Variants in ENTREP2 observed in about 807,000 individuals in gnomAD.
ENTREP2 encodes the protein protein ENTREP2.
chr15:29,451,460 ACAGAGAG>A, the ENTREP2 span, among the ~76,000 whole-genome samples: 1 of 152,182 alleles, frequency 6.6e-6, no homozygotes, highest in South Asian at 2.1e-4. Context: ...GACCACTGTC[ACAGAGAG>A]CTCATGTCGG....
the ENTREP2 span, among the ~76,000 whole-genome samples, chr15:29,605,702 G>T: frequency 1.1e-5 from 1 of 89,508 alleles, no homozygotes; most frequent in Non-Finnish European, 2.4e-5. Flanking sequence ...TGGGCATGAT[G>T]GGGGGGTGCC....
At chr15:29,292,955 A>G in the ENTREP2 span, among the ~76,000 whole-genome samples, 4 of 152,226 alleles carry the variant, frequency 2.6e-5, no homozygotes, top group African/African-American at 9.6e-5. Context: ...GCTTCTCAAT[A>G]CTGCTTAGTA....
the ENTREP2 span, among the ~76,000 whole-genome samples, chr15:29,502,934 T>A: frequency 1.3e-5 from 2 of 150,214 alleles, no homozygotes; most frequent in Non-Finnish European, 3.0e-5. Flanking sequence ...ATGGCTAGAA[T>A]AAAGGGGGAA....
At chr15:29,157,019 C>A in the ENTREP2 span, among the ~76,000 whole-genome samples, 1 of 152,088 alleles carries the variant, frequency 6.6e-6, no homozygotes, top group Non-Finnish European at 1.5e-5. Flanking sequence ...ATCGGTTGAA[C>A]CTGGGAGGTG....
chr15:29,227,321 G>T, the ENTREP2 span, among the ~76,000 whole-genome samples: 4 of 152,242 alleles, frequency 2.6e-5, no homozygotes, highest in Admixed American at 2.0e-4. Context: ...AAACAAAGGT[G>T]ATCGGGTCCC....
chr15:29,304,623 C>T, the ENTREP2 span, among the ~76,000 whole-genome samples: 1 of 152,194 alleles, frequency 6.6e-6, no homozygotes, highest in African/African-American at 2.4e-5. Flanking sequence ...AAAATTAAGC[C>T]AGGCAATGAC....
the ENTREP2 span, among the ~76,000 whole-genome samples, chr15:29,129,703 A>G: frequency 0.014 from 2,094 of 152,176 alleles, 58 homozygotes; most frequent in African/African-American, 0.048. Context: ...GCCTCAGAAT[A>G]AGGGGAAGGC....
chr15:29,538,047 A>C, the ENTREP2 span, among the ~76,000 whole-genome samples: 1 of 152,192 alleles, frequency 6.6e-6, no homozygotes, highest in Non-Finnish European at 1.5e-5. Flanking sequence ...TCCTGGATTT[A>C]ACAATACGTT....
chr15:29,279,761 G>C, the ENTREP2 span, among the ~76,000 whole-genome samples: 1 of 152,144 alleles, frequency 6.6e-6, no homozygotes, highest in South Asian at 2.1e-4. Context: ...TAAGTGGGAT[G>C]CTAGTTAATA....
the ENTREP2 span, chr15:29,268,887 T>C: frequency 2.5e-6 from 4 of 1,614,202 alleles, no homozygotes; most frequent in African/African-American, 1.3e-5. Context: ...CCTTGGGGTC[T>C]TGATTATGGA....
At chr15:29,123,596 G>T in the ENTREP2 span, 1 of 1,551,568 alleles carries the variant, frequency 6.4e-7, no homozygotes, top group Non-Finnish European at 8.7e-7. Flanking sequence ...CAGGTATCTG[G>T]GTCCCCCGCT....
the ENTREP2 span, among the ~76,000 whole-genome samples, chr15:29,221,788 TG>T: frequency 6.6e-6 from 1 of 152,128 alleles, no homozygotes; most frequent in South Asian, 2.1e-4. Flanking sequence ...AGAATCGTGC[TG>T]GGTAACAGGA....
the ENTREP2 span, among the ~76,000 whole-genome samples, chr15:29,347,366 C>G: frequency 6.6e-6 from 1 of 151,948 alleles, no homozygotes; most frequent in South Asian, 2.1e-4. Flanking sequence ...GACAAGGTCT[C>G]GCTGTGTTGC....
the ENTREP2 span, among the ~76,000 whole-genome samples, chr15:29,429,893 G>A: frequency 1.3e-5 from 2 of 152,334 alleles, no homozygotes; most frequent in South Asian, 2.1e-4. Flanking sequence ...CACTCCTAGC[G>A]AGCCAGGTGG....
the ENTREP2 span, among the ~76,000 whole-genome samples, chr15:29,502,678 T>C: frequency 1.3e-5 from 2 of 152,032 alleles, no homozygotes; most frequent in African/African-American, 4.8e-5. Context: ...GGAAGACATT[T>C]ACAAATCATA....
At chr15:29,671,985 C>CT in the ENTREP2 span, among the ~76,000 whole-genome samples, 5 of 152,224 alleles carry the variant, frequency 3.3e-5, no homozygotes, top group African/African-American at 7.2e-5. Context: ...TGCAGGGATT[C>CT]TTTTTTTGTT....
the ENTREP2 span, among the ~76,000 whole-genome samples, chr15:29,290,244 T>C: frequency 6.6e-6 from 1 of 152,180 alleles, no homozygotes; most frequent in Non-Finnish European, 1.5e-5. Context: ...TCCCGAGCCA[T>C]AACTTCTCCT....
chr15:29,460,535 G>A, the ENTREP2 span, among the ~76,000 whole-genome samples: 1 of 152,130 alleles, frequency 6.6e-6, no homozygotes, highest in African/African-American at 2.4e-5. Flanking sequence ...GGGAGGCTGA[G>A]GCAGGAGAAT....
the ENTREP2 span, among the ~76,000 whole-genome samples, chr15:29,510,358 AG>A: frequency 1.3e-5 from 2 of 152,258 alleles, no homozygotes; most frequent in Non-Finnish European, 2.9e-5. Flanking sequence ...TCAAGGATCT[AG>A]AACTAGAAAT....
Sources: allele counts gnomAD v4.1 joint callset (sites outside exome capture counted in the v4.1 genomes callset), GRCh38; gene constraint gnomAD v4.1.1; transcripts MANE v1.5; gene names NCBI Gene and HGNC (gene_info 2026-07-23, HGNC 2026-07-21).